The following LRRFIP1 variants were observed in gnomAD, a reference collection of about 807,000 sequenced individuals.
LRRFIP1 encodes the protein LRR binding FLII interacting protein 1.
A neutral mutation model predicts 104.4 loss-of-function variants in LRRFIP1; 62 were observed. The observed-to-expected ratio is 0.59, with a 90% CI of 0.48 to 0.73. The LOEUF (loss-of-function observed/expected upper bound fraction) is 0.73. LRRFIP1 is among the 30% of genes least tolerant of loss of function. The pLI is 0.00. For missense variants in LRRFIP1, 796 were observed against 824.5 expected (o/e 0.97, Z 0.42); for synonymous variants, 300 against 299.0 (o/e 1.00, Z -0.03).
At chr2:237,719,748 T>C (rs2094471718) in intron 5 of LRRFIP1, among the ~76,000 whole-genome samples, 181 bp downstream of exon 5, 2 of 152,190 alleles carry the variant, frequency 1.3e-5, no homozygotes. Context: ...ACTATGAACT[T>C]AGCTTTTAGC....
At chr2:237,656,799 A>C (rs1369025531) in intron 1 of LRRFIP1, among the ~76,000 whole-genome samples, 1 of 152,238 alleles carries the variant, frequency 6.6e-6, no homozygotes, top group Non-Finnish European at 1.5e-5. Flanking sequence ...GCCTTGTGTC[A>C]GTATGTATTT....
chr2:237,734,573 C>A (rs1274620879), intron 9 of LRRFIP1, among the ~76,000 whole-genome samples: 1 of 152,192 alleles, frequency 6.6e-6, no homozygotes, highest in Non-Finnish European at 1.5e-5. Context: ...AGCCACCACA[C>A]CCAGCCATTA....
At chr2:237,682,522 TTTTCTCTCCCATCGGC>T in intron 1 of LRRFIP1, among the ~76,000 whole-genome samples, 1 of 152,326 alleles carries the variant, frequency 6.6e-6, no homozygotes, top group South Asian at 2.1e-4. Context: ...TGCAGGGTTG[TTTTCTCTCCCATCGGC>T]TTACTCTTGG....
intron 8 of LRRFIP1, among the ~76,000 whole-genome samples, chr2:237,732,299 C>G (rs1031314627): frequency 6.6e-6 from 1 of 152,210 alleles, no homozygotes; most frequent in Non-Finnish European, 1.5e-5. Flanking sequence ...GAGCCTCTCT[C>G]TCCTCTCTGC....
At chr2:237,728,276 G>T (rs779431806) in intron 8 of LRRFIP1, among the ~76,000 whole-genome samples, 1 of 152,154 alleles carries the variant, frequency 6.6e-6, no homozygotes, top group Non-Finnish European at 1.5e-5. Flanking sequence ...AGTATATTCA[G>T]CTTTCAAAGA....
In LRRFIP1 at chr2:237,735,253, C is replaced by T. The variant is rs2095199553; in HGVS notation, c.490-15C>T. On this transcript the variant is annotated splice_polypyrimidine_tract_variant and intron_variant, in intron 9 of 23. Coordinates refer to ENST00000308482, the MANE Select transcript of LRRFIP1 (RefSeq NM_001137550.2). The surrounding 1 kb of genome is among the most constrained non-coding windows in gnomAD (Gnocchi z 4.6). ...AAGGAAGAGCGCCCATCCTGACAGT[C>T]TCTTTTGGTCGCAGGCGTCTGTGTT... The T allele has an allele frequency of 6.2e-7, 1 of 1,611,814 alleles. No individual in the cohort carries two copies.
chr2:237,677,261 A>T (rs987698811), intron 1 of LRRFIP1, among the ~76,000 whole-genome samples: 1 of 152,194 alleles, frequency 6.6e-6, no homozygotes, highest in Non-Finnish European at 1.5e-5. Context: ...AGTATGAGGT[A>T]CCTCATCTAG....
At chr2:237,760,868 G>T (rs1364382647) in intron 19 of LRRFIP1, among the ~76,000 whole-genome samples, 1 of 152,158 alleles carries the variant, frequency 6.6e-6, no homozygotes, top group Non-Finnish European at 1.5e-5. Flanking sequence ...TAAAACTGGG[G>T]AATCCAGTAG....
intron 1 of LRRFIP1, among the ~76,000 whole-genome samples, chr2:237,688,918 T>TC (rs1363676487): frequency 1.3e-5 from 2 of 152,072 alleles, no homozygotes; most frequent in African/African-American, 4.8e-5. Flanking sequence ...TTTGTGTATC[T>TC]CCATGTTTCT....
chr2:237,675,257 G>T (rs1319695147), intron 1 of LRRFIP1, among the ~76,000 whole-genome samples: 1 of 152,168 alleles, frequency 6.6e-6, no homozygotes, highest in African/African-American at 2.4e-5. Flanking sequence ...TGCTTTTTCG[G>T]CCAAGCAACA....
chr2:237,765,277 AAAC>A lies in LRRFIP1; in HGVS notation c.1460-4664_1460-4662del, dbSNP rs1372683795. 3.6e-3 allele frequency: 565 copies of A among 157,926 alleles called. 4 individuals are homozygous for A. The highest frequency in any genetic ancestry group is 0.015 in the African/African-American group (528 of 35,004). The allele number at this position is 157,926 out of a possible 1,614,324, so 9.8% of individuals were successfully genotyped here. Reference sequence around the variant, plus strand: ...AAACTCTGTCTAAAAAAAAAAAAAAAAACACACACACACACAACACAATGTTTT... The same window carrying A: ...AAACTCTGTCTAAAAAAAAAAAAAAAACACACACACACAACACAATGTTTT... On this transcript the variant is annotated intron_variant, in intron 19 of 23. Coordinates refer to ENST00000308482, the MANE Select transcript of LRRFIP1 (RefSeq NM_001137550.2).
intron 9 of LRRFIP1, among the ~76,000 whole-genome samples, chr2:237,734,940 G>A (rs1047802988): frequency 2.0e-5 from 3 of 152,130 alleles, no homozygotes; most frequent in Non-Finnish European, 4.4e-5. Flanking sequence ...CAAAATTCAG[G>A]ATGTTCGAAT....
chr2:237,737,228 G>C (rs1031786352), intron 10 of LRRFIP1, among the ~76,000 whole-genome samples: 1 of 152,206 alleles, frequency 6.6e-6, no homozygotes, highest in East Asian at 1.9e-4. Flanking sequence ...AGCCGAGGAA[G>C]TTGTTTCTGG....
At position 237,673,923 on chromosome 2, in the gene LRRFIP1, C is replaced by CGTA. The variant is rs68089690; in HGVS notation, c.97-34619_97-34618insAGT. 4.7e-4 allele frequency among the ~76,000 whole-genome samples: 3 copies of CGTA among 6,376 alleles called. No homozygotes were observed. In the Admixed American group the frequency reaches 4.8e-3, roughly 10 times the overall value. 4.2% of individuals were successfully genotyped at this position (6,376 alleles called of 152,430 possible). A position where few individuals can be genotyped will look rare whatever the true frequency, so the allele number is the denominator to read the frequency against. ...TGACACTAAGGCTCTGTGCAGAGCG[C>CGTA]GTCTACAAACACTGTCTATTGTCTC... On this transcript the variant is annotated intron_variant, in intron 1 of 23. Transcript: ENST00000308482.
Position 237,763,913 on chromosome 2 carries a change from C to T in LRRFIP1, c.1459+3708C>T, listed in dbSNP as rs141499041. The T allele has an allele frequency of 3.5e-5, 57 of 1,614,216 alleles. No homozygotes were observed. The African/African-American group carries it at 6.8e-4, about 19-fold the overall frequency. ...CTGCACCCTGCCCGAACATGAAAGT[C>T]CCTCACAGGACATTAGTGATGCCTG... On this transcript the variant is annotated intron_variant, in intron 19 of 23. Transcript: ENST00000308482.
At chr2:237,679,933 G>T (rs1236266411) in intron 1 of LRRFIP1, among the ~76,000 whole-genome samples, 2 of 152,130 alleles carry the variant, frequency 1.3e-5, no homozygotes, top group East Asian at 1.9e-4. Flanking sequence ...TGGAAAAAAT[G>T]ATAAAATCCC....
intron 11 of LRRFIP1, among the ~76,000 whole-genome samples, chr2:237,745,817 C>T (rs3754720): frequency 0.061 from 9,286 of 152,246 alleles, 420 homozygotes; most frequent in East Asian, 0.14. Context: ...GTGGAGCAAA[C>T]ATGCCACAGG....
intron 1 of LRRFIP1, among the ~76,000 whole-genome samples, chr2:237,685,260 G>GAACA (rs1323026271): frequency 6.6e-6 from 1 of 152,170 alleles, no homozygotes; most frequent in Non-Finnish European, 1.5e-5. Context: ...CAATTCTGTG[G>GAACA]AACACACTGG....
At chr2:237,728,534 G>C (rs2094866922) in intron 8 of LRRFIP1, among the ~76,000 whole-genome samples, 1 of 151,768 alleles carries the variant, frequency 6.6e-6, no homozygotes, top group Non-Finnish European at 1.5e-5. Flanking sequence ...AGACCGGGCG[G>C]GGGTGGGGAG....
Sources: gnomAD v4.1 joint callset for allele counts (sites outside exome capture counted in the v4.1 genomes callset) on GRCh38, gnomAD v4.1.1 for gene constraint, Gnocchi (gnomAD v3.1) non-coding constraint, MANE v1.5 for transcripts, NCBI Gene and HGNC (gene_info 2026-07-23, HGNC 2026-07-21) for gene names.